The following SUPT6H variants were observed in gnomAD, a reference collection of about 807,000 sequenced individuals.
SUPT6H encodes the protein SPT6 homolog, histone chaperone and transcription elongation factor.
SUPT6H carries 11 observed loss-of-function variants against 222.3 expected under a neutral mutation model. That is an observed-to-expected ratio of 0.05 (90% confidence interval 0.03 to 0.08). SUPT6H has a LOEUF of 0.08. SUPT6H is among the 10% of genes least tolerant of loss of function. The pLI is 1.00. For synonymous variants in SUPT6H, 762 were observed against 801.2 expected (o/e 0.95, Z 0.83); for missense variants, 1,422 against 2,216.0 (o/e 0.64, Z 7.19).
At chr17:28,667,846 G>A (rs868852138) in intron 1 of SUPT6H, among the ~76,000 whole-genome samples, 3 of 151,124 alleles carry the variant, frequency 2.0e-5, no homozygotes, top group Non-Finnish European at 4.4e-5. Context: ...GAACTCCACC[G>A]GGGTAGGAAG....
intron 20 of SUPT6H, 87 bp from the exon 21 acceptor site, chr17:28,686,567 C>T: frequency 6.5e-7 from 1 of 1,541,284 alleles, no homozygotes; most frequent in Non-Finnish European, 8.7e-7. Flanking sequence ...AAAGCCCTTT[C>T]CTCCCCTACC....
rs76240947 is a variant in SUPT6H, at chr17:28,683,852, T to G, written c.2229+36T>G. On this transcript the variant is annotated intron_variant, in intron 17 of 36. Transcript: ENST00000314616. ...AGACTCATGATTTTTTTTTTTTTTT[T>G]GGTGACAGAGTCTTGCTCTGTTGCC... is the stretch of plus-strand genomic sequence containing the variant. 1.1e-4 allele frequency: 149 copies of G among 1,409,968 alleles called. 1 individual carries two copies. In the African/African-American group the frequency reaches 1.7e-3, roughly 16 times the overall value. The allele number at this position is 1,409,968 out of a possible 1,614,324, so 87.3% of individuals were successfully genotyped here. A position where few individuals can be genotyped will look rare whatever the true frequency, so the allele number is the denominator to read the frequency against.
At chr17:28,664,558 C>G (rs2029907109) in intron 1 of SUPT6H, among the ~76,000 whole-genome samples, 1 of 152,212 alleles carries the variant, frequency 6.6e-6, no homozygotes, top group Non-Finnish European at 1.5e-5. Flanking sequence ...CCCGAGCCTT[C>G]TACATGCTTC....
In SUPT6H at chr17:28,701,853, G is replaced by T; in HGVS notation, c.*228G>T. Reference sequence around the variant, plus strand: ...CAGACCCTCACCGACCACCTGTCCTGGGACCAGGCTGGGAGGGGAGTGTGG... The same window carrying T: ...CAGACCCTCACCGACCACCTGTCCTTGGACCAGGCTGGGAGGGGAGTGTGG... On this transcript the variant is annotated 3_prime_UTR_variant, in exon 37 of 37. Transcript: ENST00000314616. 1 of 532,102 alleles carries T rather than the reference G, an allele frequency of 1.9e-6. No homozygotes were observed. Among genetic ancestry groups the T allele is most frequent in the Non-Finnish European group, 3.3e-6 (1 of 300,666 alleles). 33.0% of individuals were successfully genotyped at this position (532,102 alleles called of 1,614,324 possible). A position where few individuals can be genotyped will look rare whatever the true frequency, so the allele number is the denominator to read the frequency against.
At chr17:28,674,118 ACT>A (rs977786443) in intron 2 of SUPT6H, among the ~76,000 whole-genome samples, 163 bp from the exon 3 acceptor site, 3 of 152,178 alleles carry the variant, frequency 2.0e-5, no homozygotes, top group Non-Finnish European at 2.9e-5. Context: ...AGATGCTGCT[ACT>A]CTAAGTCAAT....
At chr17:28,693,937 C>A in intron 28 of SUPT6H, 101 bp downstream of exon 28, 1 of 1,476,162 alleles carries the variant, frequency 6.8e-7, no homozygotes, top group Non-Finnish European at 9.3e-7. Context: ...GGCTCTGTTC[C>A]CAGTGGCTGC....
chr17:28,695,266 C>T, intron 28 of SUPT6H, 86 bp from the exon 29 acceptor site: 2 of 1,410,962 alleles, frequency 1.4e-6, no homozygotes, highest in Non-Finnish European at 1.9e-6. Flanking sequence ...ACCTTTCTGC[C>T]TGGACTTTGG....
chr17:28,679,595 T>C (rs2030973748), intron 11 of SUPT6H, among the ~76,000 whole-genome samples: 1 of 151,776 alleles, frequency 6.6e-6, no homozygotes, highest in African/African-American at 2.4e-5. Context: ...TTAGCCAGGA[T>C]GGTCTTGATC....
At chr17:28,698,106 G>A in intron 32 of SUPT6H, 76 bp downstream of exon 32, 4 of 1,529,770 alleles carry the variant, frequency 2.6e-6, no homozygotes, top group Non-Finnish European at 3.5e-6. Flanking sequence ...GCCCGGAGCA[G>A]TGCCCTCTCT....
chr17:28,674,425 C>T lies in SUPT6H; in HGVS notation c.252C>T (p.His84=). Reference sequence around the variant, plus strand: ...GTGATTCAGAAGATGATGTTGGCCACAAGAAGAGAAAACGCAGTGAGTAGT... The same window carrying T: ...GTGATTCAGAAGATGATGTTGGCCATAAGAAGAGAAAACGCAGTGAGTAGT... ...DSGDSEDDVG[H]KKRKRTSFDD... Residue 84 remains histidine (H), a synonymous_variant, in exon 3 of 37, where the codon CAC becomes CAT. Coordinates refer to ENST00000314616, the MANE Select transcript of SUPT6H (RefSeq NM_003170.5). The T allele has an allele frequency of 3.1e-6, 5 of 1,613,756 alleles. No homozygotes were observed. The highest frequency in any genetic ancestry group is 4.2e-6 in the Non-Finnish European group (5 of 1,179,808).
At chr17:28,679,627 G>A (rs890064417) in intron 11 of SUPT6H, among the ~76,000 whole-genome samples, 30 of 151,632 alleles carry the variant, frequency 2.0e-4, no homozygotes, top group African/African-American at 7.0e-4. Context: ...TGATCTGCCC[G>A]CCTCGGCCTC....
At chr17:28,673,623 C>A in intron 2 of SUPT6H, 113 bp downstream of exon 2, 1 of 760,500 alleles carries the variant, frequency 1.3e-6, no homozygotes. Context: ...CATGAGGTAC[C>A]AGCTTGAGAA....
chr17:28,667,394 A>AAAAAAAATT, intron 1 of SUPT6H, among the ~76,000 whole-genome samples: 1 of 59,330 alleles, frequency 1.7e-5, no homozygotes, highest in East Asian at 5.8e-4. Flanking sequence ...AAAAAAAAAA[A>AAAAAAAATT]GTGTGTGTGT....
chr17:28,671,103 G>A (rs1046734805), intron 1 of SUPT6H: 3 of 152,066 alleles, frequency 2.0e-5, no homozygotes, highest in African/African-American at 4.8e-5. Flanking sequence ...ATTGAGCTCC[G>A]TAAGGGCAAT....
In SUPT6H at chr17:28,695,244, TTTACACC is replaced by T. The variant is rs1344595237; in HGVS notation, c.3775-98_3775-92del. 4.1e-5 allele frequency: 51 copies of T among 1,233,970 alleles called. No individual in the cohort carries two copies. The East Asian group carries it at 1.3e-3, about 31-fold the overall frequency. 76.4% of individuals were successfully genotyped at this position (1,233,970 alleles called of 1,614,324 possible). A position where few individuals can be genotyped will look rare whatever the true frequency, so the allele number is the denominator to read the frequency against. On this transcript the variant is annotated intron_variant, in intron 28 of 36. Transcript: ENST00000314616. Reference sequence around the variant, plus strand: ...AGCTGGCTGGCTTTGGGCAAGTCACTTTACACCTTACACCTTTCTGCCTGGACTTTGG... The same window carrying T: ...AGCTGGCTGGCTTTGGGCAAGTCACTTTACACCTTTCTGCCTGGACTTTGG...
At chr17:28,678,498 A>G (rs1433624839) in intron 9 of SUPT6H, 47 bp from the exon 10 acceptor site, 1 of 1,574,714 alleles carries the variant, frequency 6.4e-7, no homozygotes. Context: ...AGGGGATCTT[A>G]GCAAATCTGT....
rs1389925885 is a variant in SUPT6H, at chr17:28,691,100, C to T, written c.3633+37C>T. 6.3e-6 allele frequency: 10 copies of T among 1,599,040 alleles called. No individual in the cohort carries two copies. The Admixed American group carries it at 1.7e-4, about 28-fold the overall frequency. The stretch of plus-strand genomic sequence containing the variant: ...AGCATTATCCTGCTCAGTGGATTTC[C>T]TTGGTTGAATGATCTCGGTGCCTAG... On this transcript the variant is annotated intron_variant, in intron 27 of 36. Coordinates refer to ENST00000314616, the MANE Select transcript of SUPT6H (RefSeq NM_003170.5).
intron 1 of SUPT6H, among the ~76,000 whole-genome samples, chr17:28,667,435 A>G (rs1456300853): frequency 7.8e-5 from 10 of 128,780 alleles, no homozygotes; most frequent in African/African-American, 2.3e-4. Context: ...ATATATATAT[A>G]TGTATGTGTG....
intron 5 of SUPT6H, 104 bp downstream of exon 5, chr17:28,675,266 T>G: frequency 6.7e-7 from 1 of 1,491,880 alleles, no homozygotes; most frequent in Admixed American, 1.9e-5. Flanking sequence ...CCCCCAGCAT[T>G]TGACACAAAG....
Sources: gnomAD v4.1 joint callset for allele counts (sites outside exome capture counted in the v4.1 genomes callset) on GRCh38, gnomAD v4.1.1 for gene constraint, MANE v1.5 for transcripts, NCBI Gene and HGNC (gene_info 2026-07-23, HGNC 2026-07-21) for gene names.